The following TRIOBP variants were observed in gnomAD, a reference collection of about 807,000 sequenced individuals.
TRIOBP encodes TRIO and F-actin-binding protein.
In TRIOBP, 169 loss-of-function variants were observed where a neutral mutation model predicts 238.8. That is an observed-to-expected ratio of 0.71 (90% CI 0.62 to 0.80). The LOEUF (loss-of-function observed/expected upper bound fraction) is 0.80, where lower values mean the gene tolerates loss of function less well. TRIOBP is among the 30% of genes least tolerant of loss of function. TRIOBP has a pLI of 0.00. For missense variants in TRIOBP, 2,838 were observed against 3,122.6 expected (o/e 0.91, Z 2.17); for synonymous variants, 1,150 against 1,274.4 (o/e 0.90, Z 2.08).
At chr22:37,714,224 C>G (rs1923404177) in intron 5 of TRIOBP, among the ~76,000 whole-genome samples, 1 of 152,184 alleles carries the variant, frequency 6.6e-6, no homozygotes, top group South Asian at 2.1e-4. Context: ...TCACACAGTC[C>G]CACATGCGGA....
chr22:37,721,772 C>T (rs1923842086), intron 6 of TRIOBP, among the ~76,000 whole-genome samples: 1 of 152,210 alleles, frequency 6.6e-6, no homozygotes, highest in Non-Finnish European at 1.5e-5. Context: ...TAAGCCACCA[C>T]ACCCATAGTT....
intron 23 of TRIOBP, among the ~76,000 whole-genome samples, chr22:37,773,154 T>A (rs1926867728): frequency 6.6e-6 from 1 of 151,414 alleles, no homozygotes; most frequent in Admixed American, 6.6e-5. Flanking sequence ...TTAACACTCC[T>A]TCTTGACTTA....
intron 3 of TRIOBP, among the ~76,000 whole-genome samples, chr22:37,705,650 A>ACTGCAACTT (rs1419629873): frequency 6.6e-6 from 1 of 151,624 alleles, no homozygotes; most frequent in Non-Finnish European, 1.5e-5. Context: ...ATCTCGGCTC[A>ACTGCAACTT]CTGCAACCTC....
At chr22:37,713,598 G>C (rs555912461) in intron 5 of TRIOBP, among the ~76,000 whole-genome samples, 187 bp downstream of exon 5, 1 of 152,364 alleles carries the variant, frequency 6.6e-6, no homozygotes, top group African/African-American at 2.4e-5. Context: ...TTTCTGCACA[G>C]GCTGGCCCAG....
chr22:37,771,662 G>C lies in TRIOBP; in HGVS notation c.6862G>C (p.Val2288Leu). Residue 2288 changes from valine (V) to leucine (L), a missense_variant, in exon 22 of 24, where the codon GTA becomes CTA. This residue lies in a region of TRIOBP where 2,096 missense variants were observed against 2,137.4 expected (regional missense o/e 0.98). Transcript: ENST00000644935. Reference sequence around the variant, plus strand: ...CCTATATCCCCAGGTGCTGCTTCGCGTAAAAGAAAACGAACTCCAGTACCT... The same window carrying C: ...CCTATATCCCCAGGTGCTGCTTCGCCTAAAAGAAAACGAACTCCAGTACCT... ...SSCELEVLLR[V>L]KENELQYLKK... 6.2e-7 allele frequency: 1 copy of C among 1,614,054 alleles called. No homozygotes were observed. Among genetic ancestry groups the C allele is most frequent in the Non-Finnish European group, 8.5e-7 (1 of 1,179,986 alleles).
chr22:37,761,381 G>T (rs1160433312), intron 17 of TRIOBP, among the ~76,000 whole-genome samples: 1 of 152,158 alleles, frequency 6.6e-6, no homozygotes, highest in Non-Finnish European at 1.5e-5. Context: ...TTGAACCCGG[G>T]AGGCAGAGGT....
At chr22:37,698,007 G>A (rs961638131) in intron 2 of TRIOBP, among the ~76,000 whole-genome samples, 3 of 151,766 alleles carry the variant, frequency 2.0e-5, no homozygotes, top group African/African-American at 7.3e-5. Context: ...AGACCAGCCT[G>A]GCCCATATGG....
chr22:37,705,584 G>T (rs963577917), intron 3 of TRIOBP, among the ~76,000 whole-genome samples: 7 of 150,034 alleles, frequency 4.7e-5, no homozygotes, highest in African/African-American at 1.7e-4. Flanking sequence ...TTTTGTTTTT[G>T]TTTTTTTTTG....
At chr22:37,770,167 G>A (rs1023563944) in intron 21 of TRIOBP, among the ~76,000 whole-genome samples, 54 of 149,430 alleles carry the variant, frequency 3.6e-4, no homozygotes, top group Middle Eastern at 3.5e-3. Context: ...GGCCGGGCGC[G>A]GTGGCTCACG....
At chr22:37,716,156 G>A (rs527874468) in intron 6 of TRIOBP, among the ~76,000 whole-genome samples, 41 of 152,272 alleles carry the variant, frequency 2.7e-4, no homozygotes, top group African/African-American at 9.6e-4. Flanking sequence ...CTGTTGCCCA[G>A]GCTAGAGTGC....
chr22:37,772,873 A>G (rs910979103), intron 23 of TRIOBP, 109 bp downstream of exon 23: 178 of 1,358,580 alleles, frequency 1.3e-4, no homozygotes, highest in Middle Eastern at 2.5e-4. Context: ...CTGGCCTCCA[A>G]TTCCCGTTCT....
intron 15 of TRIOBP, among the ~76,000 whole-genome samples, chr22:37,756,922 T>G (rs4821705): frequency 1.3e-5 from 2 of 152,224 alleles, no homozygotes; most frequent in African/African-American, 4.8e-5. Context: ...CTCGGGAACC[T>G]GGGACATTGG....
intron 17 of TRIOBP, among the ~76,000 whole-genome samples, chr22:37,764,245 G>C (rs1926378458): frequency 6.6e-6 from 1 of 152,190 alleles, no homozygotes; most frequent in Non-Finnish European, 1.5e-5. Context: ...GGACAACTTT[G>C]AGGGGCTATC....
intron 11 of TRIOBP, chr22:37,746,399 G>T: frequency 7.1e-7 from 1 of 1,409,714 alleles, no homozygotes; most frequent in Non-Finnish European, 9.3e-7. Flanking sequence ...TGCTCCCGCC[G>T]CCCTGGGGCG....
At chr22:37,731,451 C>CAT (rs1262948124) in intron 7 of TRIOBP, among the ~76,000 whole-genome samples, 6 of 57,606 alleles carry the variant, frequency 1.0e-4, no homozygotes, top group Non-Finnish European at 1.9e-4. Flanking sequence ...CTCCCAACCC[C>CAT]ATATATATAT....
In TRIOBP at chr22:37,723,715, G is replaced by C. The variant is rs769836567; in HGVS notation, c.1159G>C (p.Asp387His). 1.2e-6 allele frequency: 2 copies of C among 1,610,286 alleles called. No individual in the cohort carries two copies. The highest frequency in any genetic ancestry group is 1.1e-5 in the South Asian group (1 of 90,852). ...NPRTPCVQQDDPRASSPNRTT... is the reference protein window; with the variant it reads ...NPRTPCVQQDHPRASSPNRTT... Reference sequence around the variant, plus strand: ...CAGGACACCCTGTGTCCAGCAGGACGATCCCAGAGCCTCCTCTCCCAACAG... The same window carrying C: ...CAGGACACCCTGTGTCCAGCAGGACCATCCCAGAGCCTCCTCTCCCAACAG... Residue 387 changes from aspartate to histidine, a missense_variant, in exon 7 of 24, where the codon GAT becomes CAT. Asp to His is a moderately conservative substitution (Grantham distance 81). Transcript: ENST00000644935.
At chr22:37,768,220 G>C in intron 19 of TRIOBP, 44 bp downstream of exon 19, 1 of 1,541,886 alleles carries the variant, frequency 6.5e-7, no homozygotes, top group South Asian at 1.2e-5. Context: ...GATGGTTATG[G>C]GTTGAGGAAC....
chr22:37,736,344 C>T (rs1015736792), intron 9 of TRIOBP, among the ~76,000 whole-genome samples: 3 of 152,208 alleles, frequency 2.0e-5, no homozygotes, highest in East Asian at 1.9e-4. Flanking sequence ...GCTGGGGTGC[C>T]GTGGGGGTTC....
At chr22:37,720,259 C>T (rs545345586) in intron 6 of TRIOBP, among the ~76,000 whole-genome samples, 3 of 152,068 alleles carry the variant, frequency 2.0e-5, no homozygotes, top group East Asian at 3.9e-4. Context: ...TCCGCTGATC[C>T]GCCTGCCTCG....
Sources: allele counts gnomAD v4.1 joint callset (sites outside exome capture counted in the v4.1 genomes callset), GRCh38; gene constraint gnomAD v4.1.1; regional missense constraint gnomAD v4.1.1; transcripts MANE v1.5; gene names NCBI Gene and HGNC (gene_info 2026-07-23, HGNC 2026-07-21).